The following PCDH15 variants were observed in gnomAD, a reference collection of about 807,000 sequenced individuals.
PCDH15 encodes protocadherin related 15.
PCDH15 carries 129 observed loss-of-function variants against 178.5 expected under a neutral mutation model. The observed-to-expected ratio is 0.72, with a 90% CI of 0.63 to 0.84. The LOEUF (loss-of-function observed/expected upper bound fraction) is 0.84, where lower values mean the gene tolerates loss of function less well. Ranked by LOEUF, PCDH15 falls within the 40% of genes least tolerant of loss-of-function variation. The pLI is 0.00. For synonymous variants in PCDH15, 800 were observed against 732.0 expected (o/e 1.09, Z -1.50); for missense variants, 2,230 against 2,099.9 (o/e 1.06, Z -1.21).
chr10:54,598,991 A>T (rs545711769), intron 2 of PCDH15, among the ~76,000 whole-genome samples: 302 of 152,186 alleles, frequency 2.0e-3, no homozygotes, highest in African/African-American at 6.8e-3. Context: ...AAATAAATTT[A>T]AAAAAAAATT....
intron 2 of PCDH15, among the ~76,000 whole-genome samples, chr10:55,105,232 T>C (rs1842646421): frequency 6.6e-6 from 1 of 152,206 alleles, no homozygotes; most frequent in Non-Finnish European, 1.5e-5. Flanking sequence ...TATGCATTCA[T>C]GACATGCCAA....
At chr10:54,084,549 A>G (rs1055872347) in intron 16 of PCDH15, among the ~76,000 whole-genome samples, 1 of 152,106 alleles carries the variant, frequency 6.6e-6, no homozygotes, top group African/African-American at 2.4e-5. Context: ...TGGGAGGATC[A>G]CGTAAGCCTA....
At chr10:55,608,999 A>C (rs936146595) in intron 2 of PCDH15, among the ~76,000 whole-genome samples, 11 of 130,798 alleles carry the variant, frequency 8.4e-5, no homozygotes, top group Admixed American at 5.7e-4. Context: ...GACTATACAT[A>C]TATGTTATAT....
intron 2 of PCDH15, among the ~76,000 whole-genome samples, chr10:54,999,128 T>C (rs1373388649): frequency 1.3e-5 from 2 of 152,188 alleles, no homozygotes; most frequent in African/African-American, 2.4e-5. Context: ...TTTTGTTTCC[T>C]ATACATTTGA....
intron 2 of PCDH15, among the ~76,000 whole-genome samples, chr10:55,389,608 A>G (rs866515103): frequency 2.0e-5 from 3 of 152,234 alleles, no homozygotes; most frequent in Non-Finnish European, 2.9e-5. Context: ...ATTTTCCCCA[A>G]TGCCTCTGCA....
rs559006709 is a variant in PCDH15 at position 54,809,105 on chromosome 10, A to T, written c.-29+88345T>A. On this transcript the variant is annotated intron_variant, in intron 3 of 5. Transcript: ENST00000458638. ...GAGGGATACTCTTTGCAAATTTTTA[A>T]GGTATGAATATTATTTGTAAATTAC... 2.0e-5 allele frequency among the ~76,000 whole-genome samples: 3 copies of T among 152,272 alleles called. No individual in the cohort carries two copies. In the East Asian group the frequency reaches 5.8e-4, roughly 29 times the overall value.
chr10:55,135,244 A>T (rs1167888283), intron 2 of PCDH15, among the ~76,000 whole-genome samples: 1 of 152,176 alleles, frequency 6.6e-6, no homozygotes, highest in African/African-American at 2.4e-5. Context: ...GATCAGAGGG[A>T]TAACAACGGA....
chr10:53,885,905 A>G (rs1247585164), intron 26 of PCDH15, among the ~76,000 whole-genome samples: 1 of 152,184 alleles, frequency 6.6e-6, no homozygotes, highest in African/African-American at 2.4e-5. Flanking sequence ...TTATTCTACT[A>G]TTAAGAAGAC....
intron 2 of PCDH15, among the ~76,000 whole-genome samples, chr10:54,559,867 A>AAAAAAAAG (rs1565597271): frequency 3.5e-5 from 2 of 56,846 alleles, no homozygotes; most frequent in African/African-American, 8.3e-5. Flanking sequence ...AAAAAAAAAA[A>AAAAAAAAG]AAAAAAAGAA....
intron 2 of PCDH15, among the ~76,000 whole-genome samples, chr10:55,520,333 T>C (rs1330785922): frequency 2.7e-4 from 10 of 37,130 alleles, no homozygotes; most frequent in Non-Finnish European, 3.0e-4. Flanking sequence ...TGTGTATATA[T>C]ATATATATAT....
At chr10:55,450,608 A>G (rs7088614) in intron 2 of PCDH15, among the ~76,000 whole-genome samples, 116,408 of 152,044 alleles carry the variant, frequency 0.77, 45,921 homozygotes, top group East Asian at 0.99. Context: ...CATTGTTCAA[A>G]TTCATTGCAA....
At chr10:55,085,342 T>C (rs1842141067) in intron 2 of PCDH15, among the ~76,000 whole-genome samples, 1 of 151,858 alleles carries the variant, frequency 6.6e-6, no homozygotes, top group Non-Finnish European at 1.5e-5. Flanking sequence ...GAGAGTAGAA[T>C]GATGGAATAA....
At chr10:54,478,886 A>G (rs1252427968) in intron 3 of PCDH15, among the ~76,000 whole-genome samples, 1 of 152,112 alleles carries the variant, frequency 6.6e-6, no homozygotes, top group Admixed American at 6.6e-5. Flanking sequence ...AGTCAAGTCT[A>G]GAGGCAAAAT....
At chr10:55,440,735 A>C (rs975844729) in intron 2 of PCDH15, among the ~76,000 whole-genome samples, 4 of 152,192 alleles carry the variant, frequency 2.6e-5, no homozygotes, top group African/African-American at 7.2e-5. Context: ...GTCCGTTTTC[A>C]CACTGCTGAT....
intron 25 of PCDH15, among the ~76,000 whole-genome samples, chr10:53,911,385 G>A (rs936164761): frequency 2.6e-5 from 4 of 152,120 alleles, no homozygotes; most frequent in Non-Finnish European, 4.4e-5. Context: ...AATGAAGGCA[G>A]AAATAAAGAT....
chr10:54,742,762 G>A (rs960253609), intron 1 of PCDH15, among the ~76,000 whole-genome samples: 3 of 152,012 alleles, frequency 2.0e-5, no homozygotes, highest in African/African-American at 7.2e-5. Flanking sequence ...TAATGTCATG[G>A]TACACTAGCT....
chr10:53,920,037 T>A (rs2083867676), intron 25 of PCDH15, among the ~76,000 whole-genome samples: 1 of 152,170 alleles, frequency 6.6e-6, no homozygotes, highest in African/African-American at 2.4e-5. Context: ...CTATATGCCT[T>A]CATTTGAAAA....
intron 2 of PCDH15, among the ~76,000 whole-genome samples, chr10:55,380,414 C>T (rs1837505524): frequency 6.6e-6 from 1 of 152,168 alleles, no homozygotes; most frequent in African/African-American, 2.4e-5. Flanking sequence ...TTCTATACAT[C>T]TTTTGAGTAA....
chr10:55,180,586 G>T (rs1368856818), intron 1 of PCDH15, among the ~76,000 whole-genome samples: 1 of 152,142 alleles, frequency 6.6e-6, no homozygotes, highest in Admixed American at 6.6e-5. Flanking sequence ...GAAAGGCATA[G>T]AGTGCAATAA....
Sources: gnomAD v4.1 joint callset for allele counts (sites outside exome capture counted in the v4.1 genomes callset) on GRCh38, gnomAD v4.1.1 for gene constraint, MANE v1.5 for transcripts, NCBI Gene and HGNC (gene_info 2026-07-23, HGNC 2026-07-21) for gene names.